ZNF708: variants seen among roughly 807,000 people sequenced by gnomAD.
ZNF708 encodes zinc finger protein 708.
Under a neutral mutation model 47.0 loss-of-function variants are expected in ZNF708, and 44 were observed. That is an observed-to-expected ratio of 0.94 (90% CI 0.74 to 1.20). ZNF708 has a LOEUF of 1.20. Ranked by LOEUF, ZNF708 falls within the 50% of genes most tolerant of loss-of-function variation. The pLI is 0.00. For missense variants in ZNF708, 557 were observed against 656.0 expected, an observed-to-expected ratio of 0.85 and a Z score of 1.65; for synonymous variants, 184 against 218.5, an observed-to-expected ratio of 0.84 and a Z score of 1.39.
chr19:21,294,404 T>G lies in ZNF708; in HGVS notation c.562A>C (p.Ile188Leu). ...TAGGGTTTTTCTCCAGTATGAATTA[T>G]CTCATGTTGAGTTAGTTGTGAAAGC... ...CMLSQLTQHE[I>L]IHTGEKPYKC... is the part of the protein sequence containing the mutation. The change falls in exon 4 of 4, where the codon ATA becomes CTA. Residue 188 changes from isoleucine to leucine, a missense_variant. By Grantham distance (5) the Ile-to-Leu change is conservative. Coordinates refer to ENST00000356929, the MANE Select transcript of ZNF708 (RefSeq NM_021269.3). 6.2e-7 allele frequency: 1 copy of G among 1,613,812 alleles called. No homozygotes were observed. The highest frequency in any genetic ancestry group is 8.5e-7 in the Non-Finnish European group (1 of 1,179,888).
chr19:21,316,060 A>AC (rs71176849), intron 1 of ZNF708, among the ~76,000 whole-genome samples: 145,103 of 145,122 alleles, frequency 1, 72,542 homozygotes, highest in Middle Eastern at 1. Flanking sequence ...CAAGAGTGAA[A>AC]CCTGTCTCAA....
chr19:21,293,817 C>T lies in ZNF708; in HGVS notation c.1149G>A (p.Lys383=). 6.2e-7 allele frequency: 1 copy of T among 1,612,858 alleles called. No individual in the cohort carries two copies. The highest frequency in any genetic ancestry group is 8.5e-7 in the Non-Finnish European group (1 of 1,179,744). Residue 383 remains lysine, a synonymous_variant, in exon 4 of 4, where the codon AAG becomes AAA. Coordinates refer to ENST00000356929, the MANE Select transcript of ZNF708 (RefSeq NM_021269.3). ...AGGGTTTCTCTCCAGTATGAATTAC[C>T]TTATGATTAGTAAGGTGTGAGGACC... ...FNRSSHLTNH[K]VIHTGEKPYK...
chr19:21,293,290 G>A lies in ZNF708; in HGVS notation c.1676C>T (p.Pro559Leu). The change falls in exon 4 of 4, where the codon CCC becomes CTC. Residue 559 changes from proline (P) to leucine (L), a missense_variant. Transcript: ENST00000356929. ...KHKRIHTKEK[P>L]YKCK ...TTTGACACATTATTTACATTTGTAG[G>A]GTTTCTCTTTGGTATGAATTCTCTT... 1 of 1,606,354 alleles carries A rather than the reference G, an allele frequency of 6.2e-7. No homozygotes were observed.
At chr19:21,320,511 C>T (rs1048859881) in intron 1 of ZNF708, among the ~76,000 whole-genome samples, 2 of 151,728 alleles carry the variant, frequency 1.3e-5, no homozygotes, top group Non-Finnish European at 2.9e-5. Context: ...CATGGCAAAA[C>T]CCCGTCTCTA....
chr19:21,294,708 C>A lies in ZNF708; in HGVS notation c.258G>T (p.Arg86Ser). ...AAGAATTTTTTATATATTGCTCTGG[C>A]CTAAGGTCTTTGGCAAAATGAGAAC... ...AMCSHFAKDL[R>S]PEQYIKNSFQ... Residue 86 changes from arginine to serine, a missense_variant, in exon 4 of 4, where the codon AGG (arginine) becomes AGT (serine). Coordinates refer to ENST00000356929, the MANE Select transcript of ZNF708 (RefSeq NM_021269.3). The A allele has an allele frequency of 6.3e-7, 1 of 1,598,294 alleles. No individual in the cohort carries two copies.
chr19:21,318,308 T>C (rs1270952561), intron 1 of ZNF708: 3 of 152,174 alleles, frequency 2.0e-5, no homozygotes, highest in East Asian at 3.8e-4. Flanking sequence ...CAGATAGAGA[T>C]AGGATGGTTC....
intron 1 of ZNF708, among the ~76,000 whole-genome samples, chr19:21,315,898 G>GAA (rs1972991752): frequency 6.6e-6 from 1 of 151,574 alleles, no homozygotes; most frequent in Non-Finnish European, 1.5e-5. Flanking sequence ...ATGTCTCTCT[G>GAA]AGACTTATAA....
chr19:21,307,624 A>G (rs562374250), intron 3 of ZNF708, among the ~76,000 whole-genome samples: 3 of 146,288 alleles, frequency 2.1e-5, no homozygotes, highest in African/African-American at 5.0e-5. Flanking sequence ...TCAGTTTCGG[A>G]AAAAAAAAAA....
At chr19:21,297,067 A>C (rs1972539378) in intron 3 of ZNF708, among the ~76,000 whole-genome samples, 1 of 151,472 alleles carries the variant, frequency 6.6e-6, no homozygotes, top group African/African-American at 2.4e-5. Context: ...TGAAAGGTGG[A>C]GGTTGCAGTG....
chr19:21,293,689 C>T lies in ZNF708; in HGVS notation c.1277G>A (p.Gly426Asp). Residue 426 changes from glycine (G) to aspartate (D), a missense_variant, in exon 4 of 4, where the codon GGT (glycine) becomes GAT (aspartate). Gly to Asp is a moderately conservative substitution (Grantham distance 94). Coordinates refer to ENST00000356929, the MANE Select transcript of ZNF708 (RefSeq NM_021269.3). ...GATTGAGAATATACTAAAGGCTTTA[C>T]CACATTCTTCACATTTGTAGGGTTT... The part of the protein sequence containing the change: ...GKKPYKCEEC[G>D]KAFSIFSILT... 6.2e-7 allele frequency: 1 copy of T among 1,612,796 alleles called. No homozygotes were observed.
intron 2 of ZNF708, among the ~76,000 whole-genome samples, 181 bp downstream of exon 2, chr19:21,310,320 C>T (rs1972870611): frequency 6.6e-6 from 1 of 151,602 alleles, no homozygotes. Flanking sequence ...TGGCACATGC[C>T]TGTAATCTCA....
chr19:21,327,873 G>A, intron 1 of ZNF708: 1 of 405,112 alleles, frequency 2.5e-6, no homozygotes, highest in Non-Finnish European at 3.6e-6. Context: ...GTCTCAAGGG[G>A]TTAGCTTTTC....
chr19:21,326,046 C>A (rs1018843298), intron 1 of ZNF708, among the ~76,000 whole-genome samples: 5 of 152,178 alleles, frequency 3.3e-5, no homozygotes, highest in African/African-American at 1.2e-4. Context: ...TGGCCATGAT[C>A]AAAAAATCAA....
intron 3 of ZNF708, among the ~76,000 whole-genome samples, chr19:21,307,567 A>T (rs1339471234): frequency 6.6e-6 from 1 of 152,128 alleles, no homozygotes; most frequent in Non-Finnish European, 1.5e-5. Flanking sequence ...GGTTGCAGTG[A>T]GCCGAGATCA....
Position 21,310,582 on chromosome 19 carries a change from C to G in ZNF708, c.49G>C (p.Glu17Gln). 6.5e-7 allele frequency: 1 copy of G among 1,545,676 alleles called. No individual in the cohort carries two copies. The highest frequency in any genetic ancestry group is 8.7e-7 in the Non-Finnish European group (1 of 1,144,602). Residue 17 changes from glutamate (E) to glutamine (Q), a missense_variant, in exon 2 of 4, where the codon GAG (glutamate) becomes CAG (glutamine). Glu to Gln is a conservative substitution (Grantham distance 29, BLOSUM62 2). Coordinates refer to ENST00000356929, the MANE Select transcript of ZNF708 (RefSeq NM_021269.3). ...TGTGCTGTGTCCAGGCACTGCCACT[C>G]CTCCAGAGAGAATTCTATGGCCACA... ...MDVAIEFSLE[E>Q]WQCLDTAQQN...
chr19:21,299,898 TAG>T (rs574052563), intron 3 of ZNF708, among the ~76,000 whole-genome samples: 11 of 152,068 alleles, frequency 7.2e-5, no homozygotes, highest in Non-Finnish European at 1.2e-4. Context: ...CCAAAAATAA[TAG>T]AGATTCACAA....
intron 1 of ZNF708, among the ~76,000 whole-genome samples, chr19:21,320,582 A>G (rs1315433733): frequency 6.6e-6 from 1 of 151,926 alleles, no homozygotes; most frequent in Non-Finnish European, 1.5e-5. Context: ...AGTCCCAGCT[A>G]ATTGGGAAGC....
chr19:21,321,853 C>A (rs1445544114), intron 1 of ZNF708, among the ~76,000 whole-genome samples: 1 of 151,852 alleles, frequency 6.6e-6, no homozygotes, highest in East Asian at 1.9e-4. Flanking sequence ...ATATTACAAA[C>A]CTGCACATGT....
chr19:21,292,007 T>C lies in ZNF708; in HGVS notation c.*1267A>G, dbSNP rs967446361. The stretch of plus-strand genomic sequence containing the variant: ...ATTTTTAACAGTCAGCACTTTGATA[T>C]AGTGTAATGTCTGAAGCATCCATAC... On this transcript the variant is annotated 3_prime_UTR_variant, in exon 4 of 4. Transcript: ENST00000356929. The C allele has an allele frequency of 1.3e-5, 2 of 152,142 alleles. No homozygotes were observed. The highest frequency in any genetic ancestry group is 2.9e-5 in the Non-Finnish European group (2 of 68,046). The allele number at this position is 152,142 out of a possible 1,614,324, so 9.4% of individuals were successfully genotyped here. A position where few individuals can be genotyped will look rare whatever the true frequency, so the allele number is the denominator to read the frequency against.
Sources: allele counts gnomAD v4.1 joint callset (sites outside exome capture counted in the v4.1 genomes callset), GRCh38; gene constraint gnomAD v4.1.1; transcripts MANE v1.5; gene names NCBI Gene and HGNC (gene_info 2026-07-23, HGNC 2026-07-21).